Variants in RPS6KC1 observed in about 807,000 individuals in gnomAD.
RPS6KC1 encodes inactive ribosomal protein S6 kinase delta-1.
Under a neutral mutation model 103.8 loss-of-function variants are expected in RPS6KC1, and 54 were observed. The ratio of observed to expected loss-of-function variants is 0.52; its 90% confidence interval spans 0.42 to 0.65. RPS6KC1 has a LOEUF of 0.65. Among genes scored for constraint, RPS6KC1 ranks in the 30% least tolerant of loss-of-function variants. RPS6KC1 has a pLI of 0.00. For missense variants in RPS6KC1, 1,151 were observed against 1,253.8 expected, an observed-to-expected ratio of 0.92 and a Z score of 1.24; for synonymous variants, 439 against 438.7, an observed-to-expected ratio of 1.00 and a Z score of -0.01.
chr1:213,622,690 T>A, the RPS6KC1 span, among the ~76,000 whole-genome samples: 1 of 152,088 alleles, frequency 6.6e-6, no homozygotes, highest in Non-Finnish European at 1.5e-5. Context: ...AGGCACTTGA[T>A]CCTGTGGGGG....
chr1:213,360,187 G>A, the RPS6KC1 span, among the ~76,000 whole-genome samples: 4 of 152,300 alleles, frequency 2.6e-5, no homozygotes, highest in Admixed American at 2.6e-4. Context: ...GTCACTTTCA[G>A]GTACACCAAT....
the RPS6KC1 span, among the ~76,000 whole-genome samples, chr1:213,647,040 G>A: frequency 6.6e-6 from 1 of 151,978 alleles, no homozygotes; most frequent in African/African-American, 2.4e-5. Flanking sequence ...TGGGATTACA[G>A]GCATTCATCA....
chr1:213,805,715 A>G, the RPS6KC1 span, among the ~76,000 whole-genome samples: 730 of 152,324 alleles, frequency 4.8e-3, 5 homozygotes, highest in Non-Finnish European at 8.3e-3. Flanking sequence ...CATCTTTTGA[A>G]TCACAAATCA....
the RPS6KC1 span, among the ~76,000 whole-genome samples, chr1:213,310,626 A>G: frequency 1.3e-5 from 2 of 152,234 alleles, no homozygotes; most frequent in African/African-American, 4.8e-5. Context: ...GGCTTCCCCT[A>G]TCAGAATCTA....
chr1:213,139,974 G>A (rs1401500677), intron 6 of RPS6KC1, among the ~76,000 whole-genome samples: 4 of 152,044 alleles, frequency 2.6e-5, no homozygotes, highest in Non-Finnish European at 4.4e-5. Context: ...TTATCCATGA[G>A]CATGGAATGC....
chr1:213,166,587 A>G (rs1219786910), intron 6 of RPS6KC1, among the ~76,000 whole-genome samples: 1 of 152,162 alleles, frequency 6.6e-6, no homozygotes, highest in Non-Finnish European at 1.5e-5. Flanking sequence ...ATAAATGTAG[A>G]TGGTTCCACA....
At chr1:213,438,178 C>A in the RPS6KC1 span, among the ~76,000 whole-genome samples, 1 of 152,014 alleles carries the variant, frequency 6.6e-6, no homozygotes, top group Admixed American at 6.6e-5. Flanking sequence ...GTGACATTTC[C>A]GTTTTGCCAT....
At chr1:213,055,356 G>A (rs1423832861) in intron 1 of RPS6KC1, among the ~76,000 whole-genome samples, 2 of 151,774 alleles carry the variant, frequency 1.3e-5, no homozygotes, top group Admixed American at 6.6e-5. Context: ...CTTCCACTCA[G>A]TATGATTATT....
At chr1:213,086,437 C>A (rs1022992618) in intron 3 of RPS6KC1, among the ~76,000 whole-genome samples, 2 of 152,228 alleles carry the variant, frequency 1.3e-5, no homozygotes, top group African/African-American at 4.8e-5. Flanking sequence ...CAGGGACAAC[C>A]AGTGGGTTAC....
At chr1:213,804,887 T>A in the RPS6KC1 span, among the ~76,000 whole-genome samples, 1 of 152,330 alleles carries the variant, frequency 6.6e-6, no homozygotes, top group African/African-American at 2.4e-5. Context: ...ATTTTACATA[T>A]GCAGGCATAC....
the RPS6KC1 span, among the ~76,000 whole-genome samples, chr1:213,800,410 T>C: frequency 6.6e-6 from 1 of 152,244 alleles, no homozygotes; most frequent in East Asian, 1.9e-4. Context: ...GTGGGAAAGA[T>C]AGGAGCCAAG....
At chr1:213,092,671 CAA>C (rs56935040) in intron 3 of RPS6KC1, among the ~76,000 whole-genome samples, 18 of 82,600 alleles carry the variant, frequency 2.2e-4, no homozygotes, top group Admixed American at 1.4e-4. Flanking sequence ...GACTCCATCT[CAA>C]AAAAAAAAAA....
At chr1:213,763,402 G>A in the RPS6KC1 span, among the ~76,000 whole-genome samples, 12 of 152,166 alleles carry the variant, frequency 7.9e-5, no homozygotes, top group Admixed American at 7.2e-4. Flanking sequence ...GCGAGCTGAT[G>A]GCACTTGCCC....
the RPS6KC1 span, among the ~76,000 whole-genome samples, chr1:213,737,008 C>T: frequency 1.5e-3 from 227 of 152,328 alleles, 1 homozygote; most frequent in Middle Eastern, 6.8e-3. Flanking sequence ...CTTTTCAGCT[C>T]CCTCCCGTGT....
chr1:213,542,247 G>C, the RPS6KC1 span, among the ~76,000 whole-genome samples: 1 of 152,296 alleles, frequency 6.6e-6, no homozygotes, highest in South Asian at 2.1e-4. Flanking sequence ...TTACCACAGT[G>C]TTCCAGGAAG....
At chr1:213,158,861 A>G (rs1462718581) in intron 6 of RPS6KC1, among the ~76,000 whole-genome samples, 1 of 152,102 alleles carries the variant, frequency 6.6e-6, no homozygotes, top group African/African-American at 2.4e-5. Context: ...CTTAGATTTA[A>G]TTTGTTCTGG....
chr1:213,798,702 A>G, the RPS6KC1 span, among the ~76,000 whole-genome samples: 1 of 152,310 alleles, frequency 6.6e-6, no homozygotes, highest in Admixed American at 6.5e-5. Flanking sequence ...AATATCCTAT[A>G]CAGGTTCATT....
intron 8 of RPS6KC1, among the ~76,000 whole-genome samples, chr1:213,178,638 G>T (rs943665587): frequency 2.0e-5 from 3 of 152,094 alleles, no homozygotes; most frequent in African/African-American, 7.2e-5. Flanking sequence ...CCTAAGTTCT[G>T]CTGAGGGATA....
chr1:213,752,872 T>C, the RPS6KC1 span, among the ~76,000 whole-genome samples: 1 of 152,102 alleles, frequency 6.6e-6, no homozygotes, highest in African/African-American at 2.4e-5. Flanking sequence ...TATGTTATAA[T>C]CCACTTCCAA....
Sources: allele counts gnomAD v4.1 joint callset (sites outside exome capture counted in the v4.1 genomes callset), GRCh38; gene constraint gnomAD v4.1.1; transcripts MANE v1.5; gene names NCBI Gene and HGNC (gene_info 2026-07-23, HGNC 2026-07-21).